The following ZNF839 variants were observed in gnomAD, a reference collection of about 807,000 sequenced individuals.
ZNF839 encodes the protein zinc finger protein 839, also known as renal carcinoma antigen NY-REN-50.
A neutral mutation model predicts 56.4 loss-of-function variants in ZNF839; 38 were observed. The observed-to-expected ratio is 0.67, with a 90% CI of 0.52 to 0.88. ZNF839 has a LOEUF of 0.88. Ranked by LOEUF, ZNF839 falls within the 40% of genes least tolerant of loss-of-function variation. ZNF839 has a pLI of 0.00. For missense variants in ZNF839, 1,091 were observed against 1,177.6 expected (o/e 0.93, Z 1.08); for synonymous variants, 486 against 493.5 (o/e 0.98, Z 0.20).
chr14:102,318,918 C>T (rs2072981450), upstream of ZNF839, among the ~76,000 whole-genome samples: 1 of 152,164 alleles, frequency 6.6e-6, no homozygotes, highest in Non-Finnish European at 1.5e-5. Flanking sequence ...GCGGTTCACC[C>T]ACCAGGTGCT....
In ZNF839 at chr14:102,336,876, G is replaced by A. The variant is rs998465160; in HGVS notation, c.1659+1038G>A. On this transcript the variant is annotated intron_variant, in intron 5 of 7. Transcript: ENST00000442396. Reference sequence around the variant, plus strand: ...AGCCTCCTGAGTAGCTGGGACTACCGCCGTGTGTCACCATGCCCAGCTAAT... The same window carrying A: ...AGCCTCCTGAGTAGCTGGGACTACCACCGTGTGTCACCATGCCCAGCTAAT... 20 of 210,218 alleles carry A rather than the reference G, an allele frequency of 9.5e-5. No individual in the cohort carries two copies. The Admixed American group carries it at 1.0e-3, about 11-fold the overall frequency. 13.0% of individuals were successfully genotyped at this position (210,218 alleles called of 1,614,324 possible).
intron 2 of ZNF839, among the ~76,000 whole-genome samples, chr14:102,329,143 G>T (rs2073636083): frequency 6.6e-6 from 1 of 151,376 alleles, no homozygotes; most frequent in African/African-American, 2.4e-5. Context: ...CTAAGTTTTT[G>T]TATTTTTAGT....
chr14:102,331,536 C>T, intron 2 of ZNF839, 86 bp from the exon 3 acceptor site: 1 of 1,218,722 alleles, frequency 8.2e-7, no homozygotes. Flanking sequence ...AGGTGTGAGC[C>T]ACGGCGCCCG....
At chr14:102,328,754 G>A (rs1296115225) in intron 2 of ZNF839, among the ~76,000 whole-genome samples, 1 of 151,926 alleles carries the variant, frequency 6.6e-6, no homozygotes, top group Admixed American at 6.6e-5. Context: ...TTCTGTGGCT[G>A]GCTTATTTCA....
intron 2 of ZNF839, among the ~76,000 whole-genome samples, chr14:102,330,471 C>CT: frequency 6.6e-6 from 1 of 150,740 alleles, no homozygotes; most frequent in South Asian, 2.1e-4. Flanking sequence ...TGACCTCAGG[C>CT]AATCCACCTG....
intron 5 of ZNF839, chr14:102,336,762 T>C: frequency 3.1e-6 from 1 of 320,412 alleles, no homozygotes; most frequent in East Asian, 1.0e-4. Context: ...GAAACAGGGT[T>C]TCCCTCTGTC....
rs545403492 is a variant in ZNF839 at position 102,332,119 on chromosome 14, C to T, written c.1416+273C>T. ...TATATGGAAGCAGTTTAGAAAACAA[C>T]GGAAGTGGTTTTCAAAACCATTCTT... On this transcript the variant is annotated intron_variant, in intron 3 of 7. Coordinates refer to ENST00000442396, the MANE Select transcript of ZNF839 (RefSeq NM_018335.6). This position sits in a 1 kb window ranked among gnomAD's most constrained non-coding sequence, Gnocchi z 4.9. Among the ~76,000 whole-genome samples, 6 of 152,272 alleles carry T rather than the reference C, an allele frequency of 3.9e-5. No individual in the cohort carries two copies. The highest frequency in any genetic ancestry group is 2.6e-4 in the Admixed American group (4 of 15,290).
intron 5 of ZNF839, 116 bp from the exon 6 acceptor site, chr14:102,338,700 G>C (rs1341828465): frequency 1.4e-6 from 2 of 1,433,946 alleles, no homozygotes; most frequent in Non-Finnish European, 1.9e-6. Context: ...CTCACAGTAG[G>C]TGAGGAACTT....
At chr14:102,335,429 C>T in intron 4 of ZNF839, 1 of 382,742 alleles carries the variant, frequency 2.6e-6, no homozygotes, top group Admixed American at 4.4e-5. Context: ...CCTTCCCACC[C>T]TGTCCAGGAG....
At chr14:102,329,028 G>A (rs2073629375) in intron 2 of ZNF839, among the ~76,000 whole-genome samples, 1 of 150,430 alleles carries the variant, frequency 6.6e-6, no homozygotes, top group Non-Finnish European at 1.5e-5. Flanking sequence ...GGAGTGCAGT[G>A]GCGCGATCTC....
chr14:102,339,283 A>G lies in ZNF839; in HGVS notation c.1927+60A>G. On this transcript the variant is annotated intron_variant, in intron 7 of 7. Transcript: ENST00000442396. The stretch of plus-strand genomic sequence containing the variant: ...TGGCCTGGCAGCCCTGCTGACATGC[A>G]CAGATGTACCCAGGATTGCCATTTT... 2.5e-6 allele frequency: 4 copies of G among 1,572,988 alleles called. No homozygotes were observed. The South Asian group carries it at 3.5e-5, about 14-fold the overall frequency.
At position 102,342,331 on chromosome 14, in the gene ZNF839, A is replaced by G; in HGVS notation, c.*152A>G. 6.9e-6 allele frequency: 6 copies of G among 875,380 alleles called. No individual in the cohort carries two copies. The South Asian group carries it at 1.2e-4, about 17-fold the overall frequency. The allele number at this position is 875,380 out of a possible 1,614,324, so 54.2% of individuals were successfully genotyped here. A position where few individuals can be genotyped will look rare whatever the true frequency, so the allele number is the denominator to read the frequency against. ...TTTTTCTAATGTGAATATTGCACAG[A>G]TGAACCTTTTATTTATAAAGAATAA... On this transcript the variant is annotated 3_prime_UTR_variant, in exon 8 of 8. Coordinates refer to ENST00000442396, the MANE Select transcript of ZNF839 (RefSeq NM_018335.6).
Position 102,326,229 on chromosome 14 carries a change from T to C in ZNF839, c.533T>C (p.Val178Ala), listed in dbSNP as rs779721675. ...DLCQPPAQGF[V>A]QRPLPALQVV... ...TGCCAACCTCCTGCTCAGGGGTTTGTACAGAGACCACTGCCAGCCCTCCAG... is the reference window on the plus strand; with the variant it reads ...TGCCAACCTCCTGCTCAGGGGTTTGCACAGAGACCACTGCCAGCCCTCCAG... The change falls in exon 2 of 8, where the codon GTA becomes GCA. Residue 178 changes from valine to alanine, a missense_variant. By Grantham distance (64) the Val-to-Ala change is moderately conservative (BLOSUM62 0). This residue lies in a region of ZNF839 where 614 missense variants were observed against 629.2 expected (regional missense o/e 0.98). Transcript: ENST00000442396. This position sits in a 1 kb window ranked among gnomAD's most constrained non-coding sequence, Gnocchi z 4.3. 3 of 1,613,908 alleles carry C rather than the reference T, an allele frequency of 1.9e-6. No homozygotes were observed. The highest frequency in any genetic ancestry group is 2.2e-5 in the South Asian group (2 of 91,066).
chr14:102,341,320 T>G lies in ZNF839; in HGVS notation c.1928-3T>G, dbSNP rs1222446097. ...ATGTTCACCTGTTTCCCAAAATGTT[T>G]AGGTTTTTCCCCTCCAGTAAATGTG... is the stretch of plus-strand genomic sequence containing the variant. On this transcript the variant is annotated splice_polypyrimidine_tract_variant and splice_region_variant and intron_variant, in intron 7 of 7. Transcript: ENST00000442396. 5 of 1,515,918 alleles carry G rather than the reference T, an allele frequency of 3.3e-6. No homozygotes were observed. In the Admixed American group the frequency reaches 9.0e-5, roughly 27 times the overall value. 93.9% of individuals were successfully genotyped at this position (1,515,918 alleles called of 1,614,324 possible).
chr14:102,329,095 G>A (rs748878679), intron 2 of ZNF839, among the ~76,000 whole-genome samples: 6 of 149,104 alleles, frequency 4.0e-5, no homozygotes, highest in Non-Finnish European at 7.4e-5. Context: ...TCAGCCTCCC[G>A]AGTAGCTGGG....
At chr14:102,327,216 C>G (rs2073463469) in intron 2 of ZNF839, among the ~76,000 whole-genome samples, 1 of 152,178 alleles carries the variant, frequency 6.6e-6, no homozygotes, top group Non-Finnish European at 1.5e-5. Flanking sequence ...TCTTGGCTCA[C>G]TGCAACCTCC....
At chr14:102,321,470 G>A (rs999240755) in intron 1 of ZNF839, among the ~76,000 whole-genome samples, 3 of 152,288 alleles carry the variant, frequency 2.0e-5, no homozygotes, top group Non-Finnish European at 2.9e-5. Flanking sequence ...ACTTATTCGA[G>A]CTTAGGCAGC....
intron 1 of ZNF839, among the ~76,000 whole-genome samples, chr14:102,325,027 A>G (rs561984982): frequency 7.2e-5 from 11 of 152,232 alleles, no homozygotes; most frequent in Middle Eastern, 3.4e-3. Flanking sequence ...AAATCAACTT[A>G]GTGGATTATG....
rs755524748 is a variant in ZNF839 at position 102,325,979 on chromosome 14, C to T, written c.289-6C>T. ...CTTTTCTCTTTCTTGTCTTTCTGTA[C>T]GTAAGCAACTAGAAGCCATTTGTGT... On this transcript the variant is annotated splice_region_variant and splice_polypyrimidine_tract_variant and intron_variant, in intron 1 of 7. Coordinates refer to ENST00000442396, the MANE Select transcript of ZNF839 (RefSeq NM_018335.6). 1.9e-5 allele frequency: 31 copies of T among 1,610,430 alleles called. No homozygotes were observed. The highest frequency in any genetic ancestry group is 1.6e-4 in the Middle Eastern group (1 of 6,082).
Sources: allele counts gnomAD v4.1 joint callset (sites outside exome capture counted in the v4.1 genomes callset), GRCh38; gene constraint gnomAD v4.1.1; regional missense constraint gnomAD v4.1.1; non-coding constraint Gnocchi (gnomAD v3.1); transcripts MANE v1.5; gene names NCBI Gene and HGNC (gene_info 2026-07-23, HGNC 2026-07-21).